The following HCFC2 variants were observed in gnomAD, a reference collection of about 807,000 sequenced individuals.
HCFC2 encodes host cell factor 2.
HCFC2 carries 18 observed loss-of-function variants against 89.2 expected under a neutral mutation model. The ratio of observed to expected loss-of-function variants is 0.20; its 90% CI spans 0.14 to 0.30. The LOEUF is 0.30. Among genes scored for constraint, HCFC2 ranks in the 10% least tolerant of loss-of-function variants. HCFC2 has a pLI of 1.00. For missense variants in HCFC2, 578 were observed against 956.1 expected, an observed-to-expected ratio of 0.60 and a Z score of 5.21; for synonymous variants, 308 against 335.7, an observed-to-expected ratio of 0.92 and a Z score of 0.90.
At chr12:104,077,216 TTTTGTTTG>T (rs528213117) in intron 3 of HCFC2, among the ~76,000 whole-genome samples, 56 of 152,198 alleles carry the variant, frequency 3.7e-4, no homozygotes, top group East Asian at 1.2e-3. Context: ...CTTTTTTGTT[TTTTGTTTG>T]TTTGTTTGTT....
In HCFC2 at chr12:104,082,703, A is replaced by G. The variant is rs773822978; in HGVS notation, c.875-10A>G. 24 of 1,602,738 alleles carry G rather than the reference A, an allele frequency of 1.5e-5. No homozygotes were observed. The highest frequency in any genetic ancestry group is 1.8e-5 in the Non-Finnish European group (21 of 1,175,976). The stretch of plus-strand genomic sequence containing the variant: ...CAAAAGATTAGTCATGGATATTTCT[A>G]TCTTTTCAGATACAACAGAGTGGAC... On this transcript the variant is annotated splice_polypyrimidine_tract_variant and intron_variant, in intron 6 of 14. Coordinates refer to ENST00000229330, the MANE Select transcript of HCFC2 (RefSeq NM_013320.3).
Position 104,105,392 on chromosome 12 carries a change from A to T in HCFC2, c.*2119A>T, listed in dbSNP as rs922104443. ...AAGCAAAGGATAGAATATTTGTTTG[A>T]GTGTGCACATTTATACCTGTTTAGT... On this transcript the variant is annotated 3_prime_UTR_variant, in exon 15 of 15. Coordinates refer to ENST00000229330, the MANE Select transcript of HCFC2 (RefSeq NM_013320.3). The T allele has an allele frequency of 6.6e-5, 10 of 152,016 alleles. No homozygotes were observed. The highest frequency in any genetic ancestry group is 2.2e-4 in the African/African-American group (9 of 41,442). 9.4% of individuals were successfully genotyped at this position (152,016 alleles called of 1,614,324 possible).
intron 9 of HCFC2, 127 bp from the exon 10 acceptor site, chr12:104,093,259 G>A: frequency 3.5e-6 from 2 of 572,450 alleles, no homozygotes; most frequent in Non-Finnish European, 5.8e-6. Context: ...AATTAATAAT[G>A]TAATTTTTAG....
intron 9 of HCFC2, among the ~76,000 whole-genome samples, chr12:104,090,422 C>T (rs1223153457): frequency 1.3e-5 from 2 of 152,052 alleles, no homozygotes; most frequent in Non-Finnish European, 2.9e-5. Flanking sequence ...ATTTGGTGTG[C>T]CTCACCCAGT....
At chr12:104,067,923 T>C in intron 2 of HCFC2, 24 bp from the exon 3 acceptor site, 1 of 1,569,238 alleles carries the variant, frequency 6.4e-7, no homozygotes. Flanking sequence ...TGTCTGACTG[T>C]ATTTGTGCCC....
intron 12 of HCFC2, 135 bp downstream of exon 12, chr12:104,096,568 A>G (rs908223089): frequency 8.7e-6 from 5 of 572,710 alleles, no homozygotes; most frequent in Non-Finnish European, 1.6e-5. Flanking sequence ...GAAATAAATG[A>G]TTGAATAGGA....
chr12:104,087,410 CGTGTGTGTGTGT>C lies in HCFC2; in HGVS notation c.1231+417_1231+428del, dbSNP rs10548495. The stretch of plus-strand genomic sequence containing the variant: ...ACACAAGCACACATATACTGCAGTA[CGTGTGTGTGTGT>C]GTGTGTGTGTGTGTGTGTGTATGTG... On this transcript the variant is annotated intron_variant, in intron 8 of 14. Transcript: ENST00000229330. Among the ~76,000 whole-genome samples the C allele has an allele frequency of 2.7e-3, 364 of 133,146 alleles. 1 individual carries two copies. Among genetic ancestry groups the C allele is most frequent in the Middle Eastern group, 8.1e-3 (2 of 248 alleles). 87.3% of individuals were successfully genotyped at this position (133,146 alleles called of 152,430 possible).
chr12:104,079,398 A>C, intron 3 of HCFC2, 47 bp from the exon 4 acceptor site: 1 of 1,324,860 alleles, frequency 7.5e-7, no homozygotes, highest in South Asian at 1.3e-5. Flanking sequence ...ATGCAAATAA[A>C]GGGTATATAT....
intron 6 of HCFC2, 52 bp downstream of exon 6, chr12:104,082,658 T>A (rs780378370): frequency 6.3e-7 from 1 of 1,574,976 alleles, no homozygotes; most frequent in Non-Finnish European, 8.7e-7. Context: ...ATAAGATAAT[T>A]TTTGTAATTT....
chr12:104,087,453 G>A (rs200159342), intron 8 of HCFC2, among the ~76,000 whole-genome samples: 5 of 60,730 alleles, frequency 8.2e-5, no homozygotes, highest in Admixed American at 3.1e-4. Context: ...ATGTGTGTGT[G>A]TATATATATA....
At chr12:104,086,395 C>T (rs1306080117) in intron 7 of HCFC2, among the ~76,000 whole-genome samples, 3 of 151,970 alleles carry the variant, frequency 2.0e-5, no homozygotes, top group South Asian at 2.1e-4. Context: ...AAAATTGGCT[C>T]ATAAAATTAA....
At chr12:104,067,742 T>C (rs998833068) in intron 2 of HCFC2, among the ~76,000 whole-genome samples, 2 of 152,216 alleles carry the variant, frequency 1.3e-5, no homozygotes, top group African/African-American at 4.8e-5. Context: ...TCTGTGAATA[T>C]GGAAGAGTAA....
At chr12:104,072,311 A>G (rs531888481) in intron 3 of HCFC2, among the ~76,000 whole-genome samples, 17 of 152,156 alleles carry the variant, frequency 1.1e-4, no homozygotes, top group Non-Finnish European at 1.9e-4. Context: ...GGCCAGGACT[A>G]CAGTGAGCCA....
intron 9 of HCFC2, among the ~76,000 whole-genome samples, chr12:104,090,686 A>G (rs1883997117): frequency 6.7e-6 from 1 of 149,084 alleles, no homozygotes; most frequent in Admixed American, 6.8e-5. Flanking sequence ...TCTCTCTTGA[A>G]GAATTATACT....
intron 1 of HCFC2, chr12:104,065,012 C>A: frequency 3.1e-6 from 1 of 327,100 alleles, no homozygotes. Flanking sequence ...CGGACGCAGG[C>A]GACAGAAGAC....
rs12322597 is a variant in HCFC2, at chr12:104,078,786, G to A, written c.474-659G>A. ...ATTCTGTGGGTCAGGAATTCAAATA[G>A]GCCACAGGAGGGATGGCTGGGCAGT... On this transcript the variant is annotated intron_variant, in intron 3 of 14. Coordinates refer to ENST00000229330, the MANE Select transcript of HCFC2 (RefSeq NM_013320.3). 9.1e-3 allele frequency among the ~76,000 whole-genome samples: 1,386 copies of A among 152,210 alleles called. 14 individuals carry two copies. The highest frequency in any genetic ancestry group is 0.031 in the African/African-American group (1,300 of 41,528).
At chr12:104,096,463 T>C (rs761372876) in intron 12 of HCFC2, 30 bp downstream of exon 12, 4 of 1,470,874 alleles carry the variant, frequency 2.7e-6, no homozygotes, top group Non-Finnish European at 3.8e-6. Flanking sequence ...ATGATGCATG[T>C]TTACACATGA....
intron 7 of HCFC2, among the ~76,000 whole-genome samples, chr12:104,084,060 A>T (rs1327715776): frequency 2.6e-5 from 4 of 152,152 alleles, no homozygotes; most frequent in African/African-American, 9.7e-5. Flanking sequence ...AAGCACCAAA[A>T]TTTTTAAAAA....
chr12:104,099,174 T>A (rs989591696), intron 13 of HCFC2, among the ~76,000 whole-genome samples: 3 of 151,882 alleles, frequency 2.0e-5, no homozygotes, highest in Non-Finnish European at 4.4e-5. Flanking sequence ...ACAGGAGCAA[T>A]GCGTGGAGTG....
Sources: allele counts gnomAD v4.1 joint callset (sites outside exome capture counted in the v4.1 genomes callset), GRCh38; gene constraint gnomAD v4.1.1; transcripts MANE v1.5; gene names NCBI Gene and HGNC (gene_info 2026-07-23, HGNC 2026-07-21).